The following ANO4 variants were observed in gnomAD, a reference collection of about 807,000 sequenced individuals.
The protein encoded by ANO4 is anoctamin 4.
A neutral mutation model predicts 141.9 loss-of-function variants in ANO4; 69 were observed. The ratio of observed to expected loss-of-function variants is 0.49; its 90% confidence interval spans 0.40 to 0.59. The LOEUF is 0.59. ANO4 is among the 20% of genes least tolerant of loss of function. The probability of loss-of-function intolerance (pLI) is 0.00; values close to 1 mark genes in which losing one functional copy is unlikely to be tolerated. For missense variants in ANO4, 894 were observed against 1,162.2 expected (o/e 0.77, Z 3.36); for synonymous variants, 350 against 394.3 (o/e 0.89, Z 1.33).
intron 14 of ANO4, among the ~76,000 whole-genome samples, chr12:101,053,824 A>G (rs1454993304): frequency 6.6e-6 from 1 of 152,240 alleles, no homozygotes; most frequent in South Asian, 2.1e-4. Flanking sequence ...TTGAAGGCTG[A>G]GAGCTACTTA....
chr12:100,791,524 T>G (rs1229320568), upstream of ANO4, among the ~76,000 whole-genome samples: 1 of 152,268 alleles, frequency 6.6e-6, no homozygotes, highest in Non-Finnish European at 1.5e-5. Flanking sequence ...ATTCATTTTT[T>G]GTTGCATAAA....
At chr12:101,079,391 A>AT (rs1859263996) in intron 15 of ANO4, 116 bp downstream of exon 15, 3 of 824,804 alleles carry the variant, frequency 3.6e-6, no homozygotes, top group Non-Finnish European at 1.9e-6. Flanking sequence ...CTCATAAAGC[A>AT]TTTTCAATTG....
intron 1 of ANO4, among the ~76,000 whole-genome samples, chr12:100,808,440 A>G (rs1199022173): frequency 1.3e-5 from 2 of 152,162 alleles, no homozygotes; most frequent in Non-Finnish European, 2.9e-5. Context: ...TACAGAAGCT[A>G]GATATAGACC....
chr12:101,022,376 G>A (rs543004890), intron 9 of ANO4, among the ~76,000 whole-genome samples: 31 of 152,202 alleles, frequency 2.0e-4, no homozygotes, highest in African/African-American at 7.5e-4. Context: ...CTATTTGATA[G>A]TTAGTCATAT....
intron 3 of ANO4, among the ~76,000 whole-genome samples, chr12:100,763,937 A>G (rs1593289985): frequency 6.6e-6 from 1 of 152,142 alleles, no homozygotes; most frequent in Non-Finnish European, 1.5e-5. Flanking sequence ...TAAATCAAAG[A>G]CCAACTGTTA....
At chr12:100,858,297 A>G (rs1437488077) in intron 1 of ANO4, among the ~76,000 whole-genome samples, 1 of 151,742 alleles carries the variant, frequency 6.6e-6, no homozygotes, top group East Asian at 1.9e-4. Flanking sequence ...TGAATACTGT[A>G]AAAAACTTTA....
At chr12:100,889,245 G>A (rs1182428453) in intron 1 of ANO4, among the ~76,000 whole-genome samples, 1 of 152,048 alleles carries the variant, frequency 6.6e-6, no homozygotes, top group Non-Finnish European at 1.5e-5. Context: ...ATTCCATGGT[G>A]TATATGTGCC....
chr12:101,081,946 A>G (rs1407228601), intron 15 of ANO4, among the ~76,000 whole-genome samples: 4 of 152,126 alleles, frequency 2.6e-5, no homozygotes, highest in Admixed American at 6.5e-5. Flanking sequence ...AATTACCACT[A>G]TAAAAAAAAC....
intron 9 of ANO4, among the ~76,000 whole-genome samples, chr12:101,020,914 G>A (rs2136495138): frequency 6.6e-6 from 1 of 152,122 alleles, no homozygotes; most frequent in East Asian, 1.9e-4. Context: ...ATATCAGTCA[G>A]GGTCTAATCA....
At chr12:100,838,635 G>A (rs888662664) in intron 1 of ANO4, among the ~76,000 whole-genome samples, 5 of 152,164 alleles carry the variant, frequency 3.3e-5, no homozygotes, top group Non-Finnish European at 7.3e-5. Flanking sequence ...CAGGTCAGAT[G>A]TGTGGAGAGG....
chr12:100,744,986 C>T (rs1401451406), intron 3 of ANO4, among the ~76,000 whole-genome samples: 4 of 151,948 alleles, frequency 2.6e-5, no homozygotes, highest in East Asian at 1.9e-4. Flanking sequence ...CTCTCCCTCC[C>T]TCTCCCACCT....
intron 3 of ANO4, among the ~76,000 whole-genome samples, chr12:100,769,611 C>A (rs892992154): frequency 3.3e-5 from 5 of 152,180 alleles, no homozygotes; most frequent in Non-Finnish European, 5.9e-5. Context: ...TACAGAAGGG[C>A]AGGTCATCTG....
chr12:101,048,145 C>A, intron 13 of ANO4, 196 bp from the exon 14 acceptor site: 1 of 1,032,830 alleles, frequency 9.7e-7, no homozygotes. Flanking sequence ...CAAATTGTAT[C>A]CTCTATATAT....
intron 3 of ANO4, among the ~76,000 whole-genome samples, chr12:100,754,158 A>T (rs191300793): frequency 6.6e-6 from 1 of 152,256 alleles, no homozygotes; most frequent in African/African-American, 2.4e-5. Flanking sequence ...GAAGCTCAGT[A>T]TCTAGCAAAG....
At chr12:100,966,896 C>CACACACACATACATATATATATGCAT in intron 5 of ANO4, among the ~76,000 whole-genome samples, 1 of 151,516 alleles carries the variant, frequency 6.6e-6, no homozygotes, top group Non-Finnish European at 1.5e-5. Flanking sequence ...CACACACACA[C>CACACACACATACATATATATATGCAT]ACACACACAT....
chr12:100,979,437 T>C (rs75922537), intron 7 of ANO4, among the ~76,000 whole-genome samples: 8,762 of 152,118 alleles, frequency 0.058, 345 homozygotes, highest in African/African-American at 0.086. Flanking sequence ...ATGTTACTGA[T>C]CCTGGACCAC....
chr12:100,887,936 A>G (rs1042477107), intron 1 of ANO4, among the ~76,000 whole-genome samples: 1 of 152,206 alleles, frequency 6.6e-6, no homozygotes, highest in African/African-American at 2.4e-5. Context: ...GAACACAAGG[A>G]AAACCCTTAA....
At chr12:100,971,519 G>A (rs11110605) in intron 6 of ANO4, 113 bp downstream of exon 6, 132,241 of 645,708 alleles carry the variant, frequency 0.2, 14,421 homozygotes, top group South Asian at 0.29. Context: ...CATTAGAGGA[G>A]GGAATCTTTC....
At chr12:100,905,592 C>A (rs939241147) in intron 2 of ANO4, among the ~76,000 whole-genome samples, 1 of 151,952 alleles carries the variant, frequency 6.6e-6, no homozygotes, top group Admixed American at 6.6e-5. Context: ...GGGGATGAAA[C>A]CCTGATTGAA....
Sources: allele counts gnomAD v4.1 joint callset (sites outside exome capture counted in the v4.1 genomes callset), GRCh38; gene constraint gnomAD v4.1.1; transcripts MANE v1.5; gene names NCBI Gene and HGNC (gene_info 2026-07-23, HGNC 2026-07-21).